The following SLC25A30 variants were observed in gnomAD, a reference collection of about 807,000 sequenced individuals.
SLC25A30 encodes the protein kidney mitochondrial carrier protein 1.
A neutral mutation model predicts 42.7 loss-of-function variants in SLC25A30; 29 were observed. The ratio of observed to expected loss-of-function variants is 0.68; its 90% CI spans 0.51 to 0.93. The LOEUF is 0.93. SLC25A30 is among the 40% of genes least tolerant of loss of function. The pLI, the probability that SLC25A30 is intolerant of heterozygous loss-of-function variation, is 0.00. For synonymous variants in SLC25A30, 124 were observed against 131.0 expected (o/e 0.95, Z 0.37); for missense variants, 300 against 359.7 (o/e 0.83, Z 1.34).
chr13:45,402,676 C>T (rs977518655), intron 5 of SLC25A30: 1 of 723,790 alleles, frequency 1.4e-6, no homozygotes, highest in Admixed American at 6.3e-5. Context: ...GGATAGAAAA[C>T]AGCATACTTC....
chr13:45,426,907 A>G, the SLC25A30 span, among the ~76,000 whole-genome samples: 1 of 152,118 alleles, frequency 6.6e-6, no homozygotes, highest in East Asian at 1.9e-4. Context: ...ACACACACAG[A>G]TTGTCTTACA....
At chr13:45,427,306 T>C in the SLC25A30 span, among the ~76,000 whole-genome samples, 1 of 152,266 alleles carries the variant, frequency 6.6e-6, no homozygotes, top group South Asian at 2.1e-4. Context: ...CTGCCTAAAG[T>C]CTGGATCCAC....
chr13:45,428,339 G>A, the SLC25A30 span, among the ~76,000 whole-genome samples: 1 of 151,402 alleles, frequency 6.6e-6, no homozygotes, highest in Non-Finnish European at 1.5e-5. Context: ...CTCCTGAGCA[G>A]CTGGGACTAC....
the SLC25A30 span, among the ~76,000 whole-genome samples, chr13:45,423,978 T>C: frequency 1.1e-5 from 1 of 88,202 alleles, no homozygotes; most frequent in Non-Finnish European, 2.0e-5. Flanking sequence ...CATATAACAA[T>C]ATATATTTAT....
chr13:45,423,590 A>AAT, the SLC25A30 span, among the ~76,000 whole-genome samples: 484 of 49,796 alleles, frequency 9.7e-3, 109 homozygotes, highest in Non-Finnish European at 0.019. Context: ...AATATATATA[A>AAT]ATATATATAT....
At chr13:45,425,239 C>CAT in the SLC25A30 span, among the ~76,000 whole-genome samples, 2,331 of 99,482 alleles carry the variant, frequency 0.023, 116 homozygotes, top group African/African-American at 0.091. Flanking sequence ...AATATTTATA[C>CAT]ATATATAAAT....
intron 9 of SLC25A30, chr13:45,396,506 G>A (rs921472948): frequency 7.2e-6 from 2 of 278,902 alleles, no homozygotes; most frequent in Non-Finnish European, 1.1e-5. Flanking sequence ...GGGCGCGGTG[G>A]CTCACGCCTG....
chr13:45,394,248 G>GCCCCCC lies in SLC25A30; in HGVS notation c.*1725_*1726insGGGGGG. On this transcript the variant is annotated 3_prime_UTR_variant, in exon 10 of 10. Transcript: ENST00000519676. The stretch of plus-strand genomic sequence containing the variant: ...AGGTAACCCTACCCCACTGCACCCC[G>GCCCCCC]CCCCCGCCCCCACCTTCTGTTATCC... 8 of 651,510 alleles carry GCCCCCC rather than the reference G, an allele frequency of 1.2e-5. No individual in the cohort carries two copies. The highest frequency in any genetic ancestry group is 1.2e-5 in the Non-Finnish European group (7 of 566,526). 40.4% of individuals were successfully genotyped at this position (651,510 alleles called of 1,614,324 possible).
At chr13:45,427,418 T>C in the SLC25A30 span, among the ~76,000 whole-genome samples, 4 of 152,120 alleles carry the variant, frequency 2.6e-5, no homozygotes, top group Non-Finnish European at 5.9e-5. Flanking sequence ...CTGGATAGAC[T>C]TTTGTCACAA....
At chr13:45,400,026 A>ATG (rs1211545580) in intron 7 of SLC25A30, among the ~76,000 whole-genome samples, 1 of 87,644 alleles carries the variant, frequency 1.1e-5, no homozygotes, top group East Asian at 3.1e-4. Context: ...ATATATATAT[A>ATG]TATATATACA....
At chr13:45,423,801 T>TAAA in the SLC25A30 span, among the ~76,000 whole-genome samples, 1 of 52,396 alleles carries the variant, frequency 1.9e-5, no homozygotes, top group Non-Finnish European at 3.4e-5. Context: ...TAAATATATA[T>TAAA]TTATATATAT....
chr13:45,425,596 A>G, the SLC25A30 span, among the ~76,000 whole-genome samples: 3 of 46,850 alleles, frequency 6.4e-5, no homozygotes, highest in African/African-American at 2.4e-4. Context: ...ATATATATAT[A>G]CATATATATA....
upstream of SLC25A30, chr13:45,420,178 GAT>G (rs1238943472): frequency 6.6e-6 from 1 of 152,166 alleles, no homozygotes; most frequent in Non-Finnish European, 1.5e-5. Context: ...GGTTTCATGA[GAT>G]AACTGCCCTG....
intron 1 of SLC25A30, among the ~76,000 whole-genome samples, chr13:45,414,372 C>A (rs1193895315): frequency 6.6e-6 from 1 of 152,112 alleles, no homozygotes. Context: ...AATCCCAGCA[C>A]TTTGGGAGGC....
chr13:45,403,391 A>G (rs751410536), intron 5 of SLC25A30, among the ~76,000 whole-genome samples: 1 of 152,218 alleles, frequency 6.6e-6, no homozygotes, highest in Non-Finnish European at 1.5e-5. Flanking sequence ...ACCAACTGGT[A>G]CAAGATAGAA....
In SLC25A30 at chr13:45,395,329, A is replaced by T. The variant is rs568376951; in HGVS notation, c.*645T>A. On this transcript the variant is annotated 3_prime_UTR_variant, in exon 10 of 10. Coordinates refer to ENST00000519676, the MANE Select transcript of SLC25A30 (RefSeq NM_001010875.4). ...ACACATAACACCACCACGAATTTAG[A>T]GATTATTACTTTGTAACAATTTCTC... 1 of 986,362 alleles carries T rather than the reference A, an allele frequency of 1.0e-6. No individual in the cohort carries two copies. The highest frequency in any genetic ancestry group is 1.7e-5 in the African/African-American group (1 of 57,366). The allele number at this position is 986,362 out of a possible 1,614,324, so 61.1% of individuals were successfully genotyped here.
the SLC25A30 span, among the ~76,000 whole-genome samples, chr13:45,425,718 A>T: frequency 2.9e-5 from 4 of 139,754 alleles, no homozygotes; most frequent in Non-Finnish European, 6.1e-5. Flanking sequence ...TTTGGGACTG[A>T]GTCTCGCTGT....
chr13:45,396,038 A>G, intron 9 of SLC25A30, 23 bp from the exon 10 acceptor site: 1 of 1,614,220 alleles, frequency 6.2e-7, no homozygotes, highest in Non-Finnish European at 8.5e-7. Context: ...GTTAAGGATG[A>G]CACAGAAAAT....
At chr13:45,423,604 T>TATATAAAATATATATATAA in the SLC25A30 span, among the ~76,000 whole-genome samples, 4 of 78,428 alleles carry the variant, frequency 5.1e-5, no homozygotes, top group Non-Finnish European at 8.7e-5. Flanking sequence ...TATATATATA[T>TATATAAAATATATATATAA]AAATATATAT....
Sources: allele counts gnomAD v4.1 joint callset (sites outside exome capture counted in the v4.1 genomes callset), GRCh38; gene constraint gnomAD v4.1.1; transcripts MANE v1.5; gene names NCBI Gene and HGNC (gene_info 2026-07-23, HGNC 2026-07-21).